The following DAB1 variants were observed in gnomAD, a reference collection of about 807,000 sequenced individuals.
DAB1 encodes DAB adaptor protein 1.
In DAB1, 15 loss-of-function variants were observed where a neutral mutation model predicts 64.6. The observed-to-expected ratio is 0.23, with a 90% CI of 0.16 to 0.36. The LOEUF is 0.36. Ranked by LOEUF, DAB1 falls within the 10% of genes least tolerant of loss-of-function variation. The pLI is 1.00. For synonymous variants in DAB1, 235 were observed against 251.9 expected (o/e 0.93, Z 0.64); for missense variants, 596 against 706.7 (o/e 0.84, Z 1.78).
At chr1:57,778,333 A>T (rs976692207) in intron 6 of DAB1, among the ~76,000 whole-genome samples, 3 of 151,688 alleles carry the variant, frequency 2.0e-5, no homozygotes, top group Non-Finnish European at 4.4e-5. Context: ...CTGAACTCTC[A>T]TCATTTCCTC....
At chr1:58,379,627 A>G (rs1308383003) in intron 3 of DAB1, among the ~76,000 whole-genome samples, 2 of 152,260 alleles carry the variant, frequency 1.3e-5, no homozygotes, top group East Asian at 1.9e-4. Context: ...TTGAATACCT[A>G]TTGGTGCAAC....
chr1:57,467,879 T>C (rs947060275), intron 7 of DAB1, among the ~76,000 whole-genome samples: 3 of 152,222 alleles, frequency 2.0e-5, no homozygotes, highest in Non-Finnish European at 4.4e-5. Context: ...ATACATTCTT[T>C]AGCATCTTGT....
chr1:57,459,305 T>G lies in DAB1; in HGVS notation n.626-168139A>C, dbSNP rs767581275. Among the ~76,000 whole-genome samples the G allele has an allele frequency of 2.6e-5, 4 of 152,330 alleles. 1 individual carries two copies. The Middle Eastern group carries it at 0.014, about 518-fold the overall frequency. ...TTATTGTTATGATGGAAAACCATCC[T>G]ATCATATATGTATGCTACAATTTAT... is the stretch of plus-strand genomic sequence containing the variant. On this transcript the variant is annotated intron_variant and non_coding_transcript_variant, in intron 7 of 20. Transcript: ENST00000485760.
At chr1:58,328,966 C>A (rs1021451737) in intron 4 of DAB1, among the ~76,000 whole-genome samples, 1 of 152,132 alleles carries the variant, frequency 6.6e-6, no homozygotes, top group Non-Finnish European at 1.5e-5. Flanking sequence ...CAGAAATAAC[C>A]ACTCCTCCTT....
chr1:58,308,830 A>G (rs907712165), intron 4 of DAB1, among the ~76,000 whole-genome samples: 1 of 152,176 alleles, frequency 6.6e-6, no homozygotes, highest in Non-Finnish European at 1.5e-5. Flanking sequence ...CTGGACAAAG[A>G]TCTACTTCCT....
At chr1:57,597,270 C>G (rs556470465) in intron 7 of DAB1, among the ~76,000 whole-genome samples, 1 of 152,186 alleles carries the variant, frequency 6.6e-6, no homozygotes, top group African/African-American at 2.4e-5. Context: ...AGAAGCCATA[C>G]AGCAAATCAA....
intron 1 of DAB1, chr1:57,387,035 T>C (rs1044360466): frequency 2.0e-5 from 3 of 152,102 alleles, no homozygotes; most frequent in African/African-American, 4.8e-5. Context: ...CCTGTTTTCT[T>C]AAGATGTATC....
At chr1:57,897,070 C>T (rs1278256004) in intron 5 of DAB1, among the ~76,000 whole-genome samples, 1 of 152,080 alleles carries the variant, frequency 6.6e-6, no homozygotes, top group Non-Finnish European at 1.5e-5. Flanking sequence ...AGTTACAGAA[C>T]ATGAAAGAGA....
chr1:58,334,591 T>G, intron 4 of DAB1, among the ~76,000 whole-genome samples: 1 of 141,798 alleles, frequency 7.1e-6, no homozygotes, highest in South Asian at 2.2e-4. Context: ...CTATTTATCT[T>G]ATATTATATT....
At chr1:57,971,879 A>T (rs898583608) in intron 5 of DAB1, among the ~76,000 whole-genome samples, 1 of 152,196 alleles carries the variant, frequency 6.6e-6, no homozygotes, top group African/African-American at 2.4e-5. Context: ...CCTGCTAGTC[A>T]AATTTGGTTT....
chr1:57,173,653 G>A (rs894199377), intron 2 of DAB1, among the ~76,000 whole-genome samples: 14 of 152,004 alleles, frequency 9.2e-5, no homozygotes, highest in African/African-American at 1.9e-4. Flanking sequence ...AAGCTTAATC[G>A]GGAAACAAAA....
chr1:57,607,875 A>G lies in DAB1; in HGVS notation n.625+41717T>C, dbSNP rs116287403. On this transcript the variant is annotated intron_variant and non_coding_transcript_variant, in intron 7 of 20. Coordinates refer to the DAB1 transcript ENST00000485760. Reference sequence around the variant, plus strand: ...TCCTGGATTAAACAGTCCAGTAATGACTGTCAGGAGTGGAGTAGATTCAGC... The same window carrying G: ...TCCTGGATTAAACAGTCCAGTAATGGCTGTCAGGAGTGGAGTAGATTCAGC... Among the ~76,000 whole-genome samples the G allele has an allele frequency of 8.4e-3, 1,286 of 152,272 alleles. 16 individuals are homozygous for G. The highest frequency in any genetic ancestry group is 0.03 in the African/African-American group (1,236 of 41,550).
At chr1:57,190,373 A>G (rs574048656) in intron 2 of DAB1, among the ~76,000 whole-genome samples, 1 of 152,244 alleles carries the variant, frequency 6.6e-6, no homozygotes, top group South Asian at 2.1e-4. Context: ...CCTCCTAATA[A>G]ACGTGAAAGC....
At chr1:57,051,286 T>C (rs1570596341) in intron 9 of DAB1, among the ~76,000 whole-genome samples, 1 of 152,252 alleles carries the variant, frequency 6.6e-6, no homozygotes, top group Non-Finnish European at 1.5e-5. Flanking sequence ...GTAATAATTA[T>C]GATTTTTCTA....
At chr1:57,870,270 G>A (rs1643918072) in intron 1 of DAB1, among the ~76,000 whole-genome samples, 1 of 152,132 alleles carries the variant, frequency 6.6e-6, no homozygotes. Flanking sequence ...GGAAAACTCT[G>A]GTCCTGTCCG....
intron 7 of DAB1, among the ~76,000 whole-genome samples, chr1:57,562,658 G>A (rs370135320): frequency 1.3e-5 from 2 of 152,190 alleles, no homozygotes; most frequent in East Asian, 3.9e-4. Context: ...GGAAGTGGAA[G>A]TGGCACCACT....
chr1:57,093,354 C>A (rs1467711308), intron 4 of DAB1, among the ~76,000 whole-genome samples: 1 of 152,174 alleles, frequency 6.6e-6, no homozygotes, highest in Non-Finnish European at 1.5e-5. Flanking sequence ...CCATATAAGG[C>A]AATAATTCTA....
At chr1:57,050,847 T>C (rs1156647573) in intron 9 of DAB1, among the ~76,000 whole-genome samples, 2 of 152,174 alleles carry the variant, frequency 1.3e-5, no homozygotes, top group Non-Finnish European at 2.9e-5. Flanking sequence ...TTAGTAAATG[T>C]TTGCCCAATG....
intron 1 of DAB1, among the ~76,000 whole-genome samples, chr1:57,423,140 A>G (rs1167903949): frequency 3.0e-4 from 46 of 151,480 alleles, no homozygotes; most frequent in Non-Finnish European, 1.0e-4. Context: ...ACAGAGATTT[A>G]AAGTTTCCTT....
Sources: gnomAD v4.1 joint callset for allele counts (sites outside exome capture counted in the v4.1 genomes callset) on GRCh38, gnomAD v4.1.1 for gene constraint, MANE v1.5 for transcripts, NCBI Gene and HGNC (gene_info 2026-07-23, HGNC 2026-07-21) for gene names.